Variants in OSBPL10 observed in about 807,000 individuals in gnomAD.
OSBPL10 encodes oxysterol binding protein like 10, also known as oxysterol-binding protein-related protein 10.
A neutral mutation model predicts 81.7 loss-of-function variants in OSBPL10; 49 were observed. That is an observed-to-expected ratio of 0.60 (90% CI 0.48 to 0.76). The LOEUF is 0.76. Among genes scored for constraint, OSBPL10 ranks in the 30% least tolerant of loss-of-function variants. OSBPL10 has a pLI of 0.00. For synonymous variants in OSBPL10, 419 were observed against 383.6 expected (o/e 1.09, Z -1.08); for missense variants, 923 against 987.8 (o/e 0.93, Z 0.88).
At chr3:31,705,223 C>A (rs1696020141) in intron 6 of OSBPL10, among the ~76,000 whole-genome samples, 1 of 152,200 alleles carries the variant, frequency 6.6e-6, no homozygotes, top group Non-Finnish European at 1.5e-5. Flanking sequence ...CCCTTTCTCT[C>A]CCAATGTGAT....
intron 1 of OSBPL10, among the ~76,000 whole-genome samples, chr3:31,902,422 C>T (rs1366013020): frequency 6.6e-6 from 1 of 151,780 alleles, no homozygotes; most frequent in Non-Finnish European, 1.5e-5. Context: ...GCCACCACAC[C>T]CAGCTAATTT....
Position 32,034,440 on chromosome 3 carries a change from C to T in OSBPL10, n.298+12051G>A, listed in dbSNP as rs1319696482. On this transcript the variant is annotated intron_variant and non_coding_transcript_variant, in intron 2 of 3. Coordinates refer to the OSBPL10 transcript ENST00000479173. ...TCGGTGACAGAGCGAGACCCTGTAG[C>T]GGAAAAAAAAAAAAAAAAGATTTTC... 2.4e-4 allele frequency among the ~76,000 whole-genome samples: 7 copies of T among 28,658 alleles called. No homozygotes were observed. In the East Asian group the frequency reaches 0.016, roughly 64 times the overall value. 18.8% of individuals were successfully genotyped at this position (28,658 alleles called of 152,430 possible). A position where few individuals can be genotyped will look rare whatever the true frequency, so the allele number is the denominator to read the frequency against.
At chr3:32,028,688 C>T (rs1699438483) in intron 2 of OSBPL10, among the ~76,000 whole-genome samples, 1 of 152,122 alleles carries the variant, frequency 6.6e-6, no homozygotes, top group African/African-American at 2.4e-5. Context: ...TATCCATAGA[C>T]TCTCTTGCTC....
chr3:31,857,160 G>T (rs1046516235), intron 3 of OSBPL10, among the ~76,000 whole-genome samples: 19 of 152,182 alleles, frequency 1.2e-4, no homozygotes, highest in Middle Eastern at 3.2e-3. Flanking sequence ...CAGAACCCAA[G>T]ACAGGAGCTA....
At position 31,661,697 on chromosome 3, in the gene OSBPL10, TG is replaced by T. The variant is rs1700074303; in HGVS notation, c.*374del. ...GACTAAGTGAGAATATCTTTGTGAG[TG>T]TAAAACATTTTTGGCAAAGTGAAAA... On this transcript the variant is annotated 3_prime_UTR_variant, in exon 12 of 12. Transcript: ENST00000396556. 2 of 166,064 alleles carry T rather than the reference TG, an allele frequency of 1.2e-5. No individual in the cohort carries two copies. Among genetic ancestry groups the T allele is most frequent in the Non-Finnish European group, 2.6e-5 (2 of 77,480 alleles). The allele number at this position is 166,064 out of a possible 1,614,324, so 10.3% of individuals were successfully genotyped here. A position where few individuals can be genotyped will look rare whatever the true frequency, so the allele number is the denominator to read the frequency against.
chr3:31,760,371 T>C (rs566795355), intron 4 of OSBPL10, among the ~76,000 whole-genome samples: 58 of 152,132 alleles, frequency 3.8e-4, no homozygotes, highest in Non-Finnish European at 5.7e-4. Flanking sequence ...CCATGGGGGA[T>C]TGGTTCCAGG....
chr3:31,814,604 A>G (rs1412831139), intron 4 of OSBPL10, among the ~76,000 whole-genome samples: 1 of 152,192 alleles, frequency 6.6e-6, no homozygotes, highest in Non-Finnish European at 1.5e-5. Flanking sequence ...ACTGCTGGTA[A>G]TCACCAGAGG....
At chr3:31,943,832 GT>G (rs1343443169) in intron 1 of OSBPL10, among the ~76,000 whole-genome samples, 1 of 151,848 alleles carries the variant, frequency 6.6e-6, no homozygotes, top group Non-Finnish European at 1.5e-5. Context: ...GCCAGGCATG[GT>G]GGCACGCACC....
chr3:31,695,879 C>A (rs1367219576), intron 7 of OSBPL10, among the ~76,000 whole-genome samples: 2 of 152,178 alleles, frequency 1.3e-5, no homozygotes, highest in African/African-American at 4.8e-5. Flanking sequence ...AGAGAAGGTT[C>A]ACTTGATAAT....
At chr3:32,060,099 C>T (rs1266517309) in intron 1 of OSBPL10, among the ~76,000 whole-genome samples, 1 of 146,904 alleles carries the variant, frequency 6.8e-6, no homozygotes, top group Admixed American at 6.8e-5. Flanking sequence ...TATATATATA[C>T]TTACGGTATA....
intron 2 of OSBPL10, among the ~76,000 whole-genome samples, chr3:32,002,333 C>T (rs912470494): frequency 1.3e-5 from 2 of 152,138 alleles, no homozygotes; most frequent in African/African-American, 4.8e-5. Context: ...GACCACACAC[C>T]AGGAGAACCA....
chr3:31,681,880 C>G (rs1235919952), intron 8 of OSBPL10, among the ~76,000 whole-genome samples: 1 of 152,170 alleles, frequency 6.6e-6, no homozygotes, highest in Non-Finnish European at 1.5e-5. Context: ...TACTTTAGCA[C>G]TCCCTTCAAT....
At chr3:31,672,385 A>T (rs1013827320) in intron 8 of OSBPL10, among the ~76,000 whole-genome samples, 1 of 47,864 alleles carries the variant, frequency 2.1e-5, no homozygotes, top group African/African-American at 7.6e-5. Flanking sequence ...GGAGGGAGGG[A>T]GAGGGAGAGG....
intron 1 of OSBPL10, among the ~76,000 whole-genome samples, chr3:31,965,792 GAT>G (rs1164133273): frequency 1.8e-5 from 1 of 57,132 alleles, no homozygotes; most frequent in Non-Finnish European, 2.9e-5. Flanking sequence ...AAATAGATAA[GAT>G]ATATTATCTA....
intron 2 of OSBPL10, among the ~76,000 whole-genome samples, chr3:32,036,655 C>A (rs916582688): frequency 7.2e-5 from 11 of 151,964 alleles, no homozygotes; most frequent in African/African-American, 2.7e-4. Context: ...TGTTGGGACA[C>A]TAACAGTAGA....
At chr3:31,662,675 C>A in intron 11 of OSBPL10, 1 of 985,604 alleles carries the variant, frequency 1.0e-6, no homozygotes, top group Non-Finnish European at 1.2e-6. Context: ...TGCTGGTGTT[C>A]AGATGACTCT....
intron 4 of OSBPL10, among the ~76,000 whole-genome samples, chr3:31,811,107 T>A (rs1408245109): frequency 6.6e-6 from 1 of 150,400 alleles, no homozygotes; most frequent in African/African-American, 2.4e-5. Flanking sequence ...AGGCGCCTTC[T>A]CCTGCAGTAT....
chr3:32,026,038 A>AGATAGATAGATAGATAGATAGATAGAT lies in OSBPL10; in HGVS notation n.298+20452_298+20453insATCTATCTATCTATCTATCTATCTATC, dbSNP rs1559551408. On this transcript the variant is annotated intron_variant and non_coding_transcript_variant, in intron 2 of 3. Transcript: ENST00000479173. Reference sequence around the variant, plus strand: ...TAGATAGATAGATAGATAGATAGATAGATAGATAGATAGATAGATGATAGA... The same window carrying AGATAGATAGATAGATAGATAGATAGAT: ...TAGATAGATAGATAGATAGATAGATAGATAGATAGATAGATAGATAGATAGATGATAGATAGATAGATAGATGATAGA... Among the ~76,000 whole-genome samples, 11 of 123,816 alleles carry AGATAGATAGATAGATAGATAGATAGAT rather than the reference A, an allele frequency of 8.9e-5. 1 individual carries two copies. The highest frequency in any genetic ancestry group is 3.4e-4 in the African/African-American group (10 of 29,564). The allele number at this position is 123,816 out of a possible 152,430, so 81.2% of individuals were successfully genotyped here.
At chr3:31,793,518 G>A (rs564160939) in intron 4 of OSBPL10, among the ~76,000 whole-genome samples, 1 of 152,328 alleles carries the variant, frequency 6.6e-6, no homozygotes, top group South Asian at 2.1e-4. Flanking sequence ...GTAGGTTTAA[G>A]GAGGATGGAA....
Sources: allele counts gnomAD v4.1 joint callset (sites outside exome capture counted in the v4.1 genomes callset), GRCh38; gene constraint gnomAD v4.1.1; transcripts MANE v1.5; gene names NCBI Gene and HGNC (gene_info 2026-07-23, HGNC 2026-07-21).